ASIP: variants seen among roughly 807,000 people sequenced by gnomAD.
ASIP encodes agouti-signaling protein.
In ASIP, 11 loss-of-function variants were observed where a neutral mutation model predicts 10.3. The ratio of observed to expected loss-of-function variants is 1.07; its 90% CI spans 0.68 to 1.78. The LOEUF (loss-of-function observed/expected upper bound fraction) is 1.78. Ranked by LOEUF, ASIP falls within the 40% of genes most tolerant of loss-of-function variation. The pLI is 0.00. For missense variants in ASIP, 180 were observed against 169.2 expected (o/e 1.06, Z -0.35); for synonymous variants, 70 against 70.8 (o/e 0.99, Z 0.06).
intron 1 of ASIP, among the ~76,000 whole-genome samples, chr20:34,200,832 T>C (rs1362673916): frequency 1.3e-5 from 2 of 152,194 alleles, no homozygotes; most frequent in Admixed American, 6.5e-5. Flanking sequence ...GTGGCTTTAA[T>C]TTTCCCCCCT....
At chr20:34,190,028 C>T (rs114535657), upstream of ASIP, among the ~76,000 whole-genome samples, 374 of 152,296 alleles carry the variant, frequency 2.5e-3, 2 homozygotes, top group African/African-American at 8.2e-3. Flanking sequence ...GCCACTGTCC[C>T]GCAACAGCCT....
intron 1 of ASIP, among the ~76,000 whole-genome samples, chr20:34,218,013 T>C (rs2122559964): frequency 6.6e-6 from 1 of 152,370 alleles, no homozygotes; most frequent in East Asian, 1.9e-4. Flanking sequence ...ACTGCTTTTG[T>C]AGCTCTTCCA....
At chr20:34,240,890 G>C (rs1173137065), upstream of ASIP, among the ~76,000 whole-genome samples, 1 of 152,122 alleles carries the variant, frequency 6.6e-6, no homozygotes, top group Non-Finnish European at 1.5e-5. Context: ...GGGAAGAACA[G>C]ACCACAAGAC....
chr20:34,227,613 G>A (rs2035101549), intron 1 of ASIP, among the ~76,000 whole-genome samples: 1 of 145,706 alleles, frequency 6.9e-6, no homozygotes, highest in Non-Finnish European at 1.5e-5. Flanking sequence ...CCTGGTGACA[G>A]AGTGAGGCTC....
At position 34,222,839 on chromosome 20, in the gene ASIP, G is replaced by T. The variant is rs866038111; in HGVS notation, c.-11+28079G>T. Reference sequence around the variant, plus strand: ...GAGACGGGGTTTCGCTGTGTTGGCCGGGCCGGTCTCCAGCCCCTAACCGCG... The same window carrying T: ...GAGACGGGGTTTCGCTGTGTTGGCCTGGCCGGTCTCCAGCCCCTAACCGCG... On this transcript the variant is annotated intron_variant, in intron 1 of 3. Coordinates refer to the ASIP transcript ENST00000568305. 2.6e-5 allele frequency among the ~76,000 whole-genome samples: 4 copies of T among 152,130 alleles called. No individual in the cohort carries two copies. In the East Asian group the frequency reaches 7.8e-4, roughly 29 times the overall value.
intron 1 of ASIP, among the ~76,000 whole-genome samples, chr20:34,245,160 C>T (rs922936848): frequency 6.6e-6 from 1 of 151,436 alleles, no homozygotes; most frequent in African/African-American, 2.4e-5. Context: ...ATGATGAAAC[C>T]CCGTCGCTAC....
At chr20:34,250,404 GC>G (rs1179284861) in intron 1 of ASIP, among the ~76,000 whole-genome samples, 4 of 152,232 alleles carry the variant, frequency 2.6e-5, no homozygotes, top group Non-Finnish European at 5.9e-5. Context: ...GTGCAGTGGT[GC>G]CCCTATAGTC....
chr20:34,267,950 A>ATTC (rs10694945), intron 3 of ASIP, among the ~76,000 whole-genome samples: 38,740 of 151,900 alleles, frequency 0.26, 8,244 homozygotes, highest in African/African-American at 0.59. Context: ...GAAATAATTT[A>ATTC]TTTTTGTTGT....
rs552309721 is a variant in ASIP, at chr20:34,217,391, T to C, written c.-11+22631T>C. Among the ~76,000 whole-genome samples the C allele has an allele frequency of 8.6e-5, 13 of 150,314 alleles. No individual in the cohort carries two copies. The East Asian group carries it at 2.6e-3, about 30-fold the overall frequency. ...AGGCGCAGGTTGCAGTGAGCCGACATCTCGCCACTGCACTCCAGCCTGGGG... is the reference window on the plus strand; with the variant it reads ...AGGCGCAGGTTGCAGTGAGCCGACACCTCGCCACTGCACTCCAGCCTGGGG... On this transcript the variant is annotated intron_variant, in intron 1 of 3. Transcript: ENST00000568305.
chr20:34,223,028 G>A (rs908470581), intron 1 of ASIP, among the ~76,000 whole-genome samples: 2 of 152,088 alleles, frequency 1.3e-5, no homozygotes, highest in Non-Finnish European at 2.9e-5. Context: ...TGCCGAGATT[G>A]CAGCCTCTGC....
At chr20:34,247,186 T>C (rs987353174) in intron 1 of ASIP, among the ~76,000 whole-genome samples, 2 of 152,104 alleles carry the variant, frequency 1.3e-5, no homozygotes, top group Admixed American at 6.6e-5. Context: ...GCCTCTCTCC[T>C]AAATAGCTAT....
chr20:34,259,979 TG>T (rs1433230081), intron 1 of ASIP, among the ~76,000 whole-genome samples: 1 of 152,026 alleles, frequency 6.6e-6, no homozygotes, highest in East Asian at 1.9e-4. Flanking sequence ...ATAAAATCTC[TG>T]CTACTGTGAG....
intron 1 of ASIP, among the ~76,000 whole-genome samples, chr20:34,258,692 CAT>C (rs1568768704): frequency 3.6e-4 from 4 of 11,140 alleles, no homozygotes; most frequent in African/African-American, 1.7e-3. Context: ...TATATATATA[CAT>C]ACTATATATA....
At chr20:34,207,538 G>A (rs1280953399) in intron 1 of ASIP, among the ~76,000 whole-genome samples, 3 of 151,876 alleles carry the variant, frequency 2.0e-5, no homozygotes, top group Non-Finnish European at 2.9e-5. Flanking sequence ...TGATATTATC[G>A]CATTTGTCCA....
the ASIP span, among the ~76,000 whole-genome samples, chr20:34,188,265 C>T: frequency 2.6e-5 from 4 of 152,172 alleles, no homozygotes; most frequent in Non-Finnish European, 4.4e-5. Context: ...TTTCAGTTTA[C>T]TTGGGGAACT....
At chr20:34,251,565 C>T (rs566155669) in intron 1 of ASIP, among the ~76,000 whole-genome samples, 100 of 152,280 alleles carry the variant, frequency 6.6e-4, no homozygotes, top group Middle Eastern at 3.4e-3. Flanking sequence ...TGAGCCACCG[C>T]GCCTGACCTT....
intron 1 of ASIP, among the ~76,000 whole-genome samples, chr20:34,223,700 C>T (rs2035071781): frequency 6.9e-6 from 1 of 144,330 alleles, no homozygotes; most frequent in Non-Finnish European, 1.5e-5. Context: ...GCCCGGCCAC[C>T]ACCCCGTCTG....
chr20:34,227,203 A>T (rs1479412785), intron 1 of ASIP, among the ~76,000 whole-genome samples: 1 of 152,200 alleles, frequency 6.6e-6, no homozygotes, highest in Non-Finnish European at 1.5e-5. Context: ...TAGCAAAGAC[A>T]ATACAAATTG....
chr20:34,200,268 A>G (rs2034884017), intron 1 of ASIP, among the ~76,000 whole-genome samples: 1 of 152,178 alleles, frequency 6.6e-6, no homozygotes, highest in Admixed American at 6.5e-5. Context: ...AGATAGTGTT[A>G]GGTCCTCAGG....
Sources: gnomAD v4.1 joint callset for allele counts (sites outside exome capture counted in the v4.1 genomes callset) on GRCh38, gnomAD v4.1.1 for gene constraint, MANE v1.5 for transcripts, NCBI Gene and HGNC (gene_info 2026-07-23, HGNC 2026-07-21) for gene names.